Variants in PCDH15 observed in about 807,000 individuals in gnomAD.
PCDH15 encodes protocadherin related 15.
In PCDH15, 129 loss-of-function variants were observed where a neutral mutation model predicts 178.5. The observed-to-expected ratio is 0.72, with a 90% CI of 0.63 to 0.84. PCDH15 has a LOEUF of 0.84. Among genes scored for constraint, PCDH15 ranks in the 40% least tolerant of loss-of-function variants. The pLI, the probability that PCDH15 is intolerant of heterozygous loss-of-function variation, is 0.00. For missense variants in PCDH15, 2,230 were observed against 2,099.9 expected (o/e 1.06, Z -1.21); for synonymous variants, 800 against 732.0 (o/e 1.09, Z -1.50).
At chr10:55,528,389 A>G (rs988773117) in intron 2 of PCDH15, among the ~76,000 whole-genome samples, 1 of 151,888 alleles carries the variant, frequency 6.6e-6, no homozygotes, top group Non-Finnish European at 1.5e-5. Context: ...TCCACACCCC[A>G]AAACAGGCCC....
At chr10:54,267,469 A>T (rs898765717) in intron 8 of PCDH15, among the ~76,000 whole-genome samples, 34 of 151,952 alleles carry the variant, frequency 2.2e-4, no homozygotes, top group African/African-American at 8.2e-4. Flanking sequence ...AAATAGGAAA[A>T]GAGGAAGTTA....
At chr10:55,290,805 G>C (rs927594142) in intron 1 of PCDH15, among the ~76,000 whole-genome samples, 1 of 151,820 alleles carries the variant, frequency 6.6e-6, no homozygotes. Context: ...CAAATAATGG[G>C]AAATAAAATT....
At position 54,099,531 on chromosome 10, in the gene PCDH15, TAAAACAA is replaced by T. The variant is rs1262832049; in HGVS notation, c.1918-9475_1918-9469del. ...AAAAAAAAATATATATATATATATATAAAACAAAAAACAAAAAAACAGATAAAACAAG... is the reference window on the plus strand; with the variant it reads ...AAAAAAAAATATATATATATATATATAAAACAAAAAAACAGATAAAACAAG... On this transcript the variant is annotated intron_variant, in intron 15 of 37. Transcript: ENST00000644397. Among the ~76,000 whole-genome samples, 10 of 129,676 alleles carry T rather than the reference TAAAACAA, an allele frequency of 7.7e-5. No individual in the cohort carries two copies. In the East Asian group the frequency reaches 1.9e-3, roughly 25 times the overall value. The allele number at this position is 129,676 out of a possible 152,430, so 85.1% of individuals were successfully genotyped here. A position where few individuals can be genotyped will look rare whatever the true frequency, so the allele number is the denominator to read the frequency against.
At chr10:55,602,966 AG>A (rs959188447) in intron 2 of PCDH15, among the ~76,000 whole-genome samples, 8 of 152,110 alleles carry the variant, frequency 5.3e-5, no homozygotes, top group African/African-American at 1.9e-4. Flanking sequence ...TTCAAACGAA[AG>A]GCAAAGAAGT....
chr10:55,214,558 T>G (rs1840652764), intron 1 of PCDH15, among the ~76,000 whole-genome samples: 1 of 109,266 alleles, frequency 9.2e-6, no homozygotes, highest in Admixed American at 8.8e-5. Context: ...TATTTATTCT[T>G]TTTTTTTTGT....
chr10:54,028,503 G>T (rs1406808354), intron 18 of PCDH15, among the ~76,000 whole-genome samples: 1 of 151,962 alleles, frequency 6.6e-6, no homozygotes, highest in East Asian at 1.9e-4. Context: ...GTTTATTGTG[G>T]CATTATTCAC....
At chr10:55,561,104 G>A (rs1188588559) in intron 2 of PCDH15, among the ~76,000 whole-genome samples, 1 of 151,610 alleles carries the variant, frequency 6.6e-6, no homozygotes, top group Non-Finnish European at 1.5e-5. Flanking sequence ...TGTTATCTAG[G>A]GAGTAACCTG....
intron 26 of PCDH15, among the ~76,000 whole-genome samples, chr10:53,873,173 A>G (rs2133237739): frequency 6.6e-6 from 1 of 152,340 alleles, no homozygotes; most frequent in South Asian, 2.1e-4. Context: ...TTTTTATAGA[A>G]TCACCATCTG....
intron 15 of PCDH15, among the ~76,000 whole-genome samples, chr10:54,114,153 T>A (rs2095073618): frequency 6.6e-6 from 1 of 152,192 alleles, no homozygotes; most frequent in Non-Finnish European, 1.5e-5. Context: ...GCTTTTTAAA[T>A]ATTTTTTTAT....
At chr10:54,439,738 T>A (rs2075679111) in intron 3 of PCDH15, among the ~76,000 whole-genome samples, 1 of 152,076 alleles carries the variant, frequency 6.6e-6, no homozygotes, top group Admixed American at 6.6e-5. Context: ...AAAAACCCAT[T>A]AAGTTATTCA....
intron 2 of PCDH15, among the ~76,000 whole-genome samples, chr10:54,907,285 C>G (rs1954741553): frequency 6.6e-6 from 1 of 152,110 alleles, no homozygotes; most frequent in South Asian, 2.1e-4. Flanking sequence ...TGAAAAATAT[C>G]TGATTTTTAC....
At chr10:54,389,431 A>G (rs1340233272) in intron 3 of PCDH15, among the ~76,000 whole-genome samples, 1 of 152,190 alleles carries the variant, frequency 6.6e-6, no homozygotes, top group African/African-American at 2.4e-5. Flanking sequence ...TTTAGTAGAT[A>G]TAGAGTAGGA....
intron 2 of PCDH15, among the ~76,000 whole-genome samples, chr10:54,559,867 A>AAG (rs1555057166): frequency 1.0e-3 from 59 of 56,926 alleles, no homozygotes; most frequent in African/African-American, 2.2e-3. Flanking sequence ...AAAAAAAAAA[A>AAG]AAAAAAAGAA....
chr10:54,421,655 G>A (rs1251553119), intron 3 of PCDH15, among the ~76,000 whole-genome samples: 18 of 106,948 alleles, frequency 1.7e-4, no homozygotes, highest in Non-Finnish European at 2.7e-4. Flanking sequence ...ATATGTACAT[G>A]TGTAGTGTAT....
At chr10:55,324,900 A>T (rs1843991216) in intron 2 of PCDH15, among the ~76,000 whole-genome samples, 1 of 152,158 alleles carries the variant, frequency 6.6e-6, no homozygotes, top group Non-Finnish European at 1.5e-5. Context: ...AATGTGCAAA[A>T]ATTAGCAGCA....
intron 1 of PCDH15, among the ~76,000 whole-genome samples, chr10:54,763,582 A>G (rs1029421447): frequency 6.6e-6 from 1 of 152,014 alleles, no homozygotes; most frequent in African/African-American, 2.4e-5. Flanking sequence ...AATTCATTGT[A>G]TATGTCAATA....
At chr10:55,109,437 G>T (rs1049511745) in intron 2 of PCDH15, among the ~76,000 whole-genome samples, 4 of 152,142 alleles carry the variant, frequency 2.6e-5, no homozygotes, top group African/African-American at 9.7e-5. Flanking sequence ...TGATTAGAAA[G>T]ATTCCACATT....
intron 2 of PCDH15, among the ~76,000 whole-genome samples, chr10:54,543,994 C>T (rs554676555): frequency 2.0e-5 from 3 of 152,234 alleles, no homozygotes; most frequent in African/African-American, 7.2e-5. Context: ...TGTGTATGCT[C>T]CAAATTGTGA....
At chr10:54,081,386 C>T (rs927997756) in intron 16 of PCDH15, among the ~76,000 whole-genome samples, 4 of 151,616 alleles carry the variant, frequency 2.6e-5, no homozygotes, top group East Asian at 1.9e-4. Context: ...TACTATATGC[C>T]GTGAACAATA....
Sources: allele counts gnomAD v4.1 joint callset (sites outside exome capture counted in the v4.1 genomes callset), GRCh38; gene constraint gnomAD v4.1.1; transcripts MANE v1.5; gene names NCBI Gene and HGNC (gene_info 2026-07-23, HGNC 2026-07-21).